The following CELF2 variants were observed in gnomAD, a reference collection of about 807,000 sequenced individuals.
CELF2 encodes CUG triplet repeat RNA-binding protein 2.
In CELF2, 8 loss-of-function variants were observed where a neutral mutation model predicts 62.6. The observed-to-expected ratio is 0.13, with a 90% CI of 0.07 to 0.23. CELF2 has a LOEUF of 0.23. CELF2 is among the 10% of genes least tolerant of loss of function. CELF2 has a pLI of 1.00. For missense variants in CELF2, 333 were observed against 671.0 expected, an observed-to-expected ratio of 0.50 and a Z score of 5.56; for synonymous variants, 258 against 250.0, an observed-to-expected ratio of 1.03 and a Z score of -0.30.
the CELF2 span, among the ~76,000 whole-genome samples, chr10:10,477,781 A>G: frequency 6.6e-6 from 1 of 152,016 alleles, no homozygotes; most frequent in African/African-American, 2.4e-5. Context: ...AAAAAAAAAA[A>G]AAAAGGTCAT....
intron 3 of CELF2, among the ~76,000 whole-genome samples, chr10:11,230,254 A>C (rs776283142): frequency 3.3e-5 from 5 of 152,212 alleles, no homozygotes; most frequent in Non-Finnish European, 7.3e-5. Flanking sequence ...TCATCATTTC[A>C]CAGTGCGTCT....
chr10:10,590,883 C>A, the CELF2 span, among the ~76,000 whole-genome samples: 6 of 152,136 alleles, frequency 3.9e-5, no homozygotes, highest in Non-Finnish European at 7.3e-5. Flanking sequence ...TTCTTTTAAA[C>A]CCTATTCCTC....
At chr10:10,666,270 A>C in the CELF2 span, among the ~76,000 whole-genome samples, 1 of 152,112 alleles carries the variant, frequency 6.6e-6, no homozygotes. Flanking sequence ...CCACTAGTCA[A>C]CTCACTTCAG....
At chr10:10,498,832 G>C in the CELF2 span, among the ~76,000 whole-genome samples, 4 of 152,122 alleles carry the variant, frequency 2.6e-5, no homozygotes, top group African/African-American at 9.7e-5. Flanking sequence ...ACAATTAATG[G>C]TCTCATTAAG....
the CELF2 span, among the ~76,000 whole-genome samples, chr10:10,508,788 G>A: frequency 4.0e-5 from 6 of 150,742 alleles, no homozygotes; most frequent in East Asian, 3.9e-4. Flanking sequence ...TGCAACCTCC[G>A]CCTCCGCCTT....
intron 1 of CELF2, among the ~76,000 whole-genome samples, chr10:11,059,302 T>C (rs2066140072): frequency 6.6e-6 from 1 of 152,220 alleles, no homozygotes; most frequent in African/African-American, 2.4e-5. Flanking sequence ...ATGTCTGTTT[T>C]AGGGTGGAAA....
the CELF2 span, among the ~76,000 whole-genome samples, chr10:10,750,362 G>T: frequency 6.6e-6 from 1 of 152,092 alleles, no homozygotes; most frequent in Non-Finnish European, 1.5e-5. Flanking sequence ...TTTATAGTTA[G>T]TGTAGTATTT....
chr10:10,643,264 A>AC, the CELF2 span, among the ~76,000 whole-genome samples: 4 of 151,132 alleles, frequency 2.6e-5, no homozygotes, highest in Admixed American at 2.6e-4. Flanking sequence ...AGCTCCCATA[A>AC]CCCCCGTGTA....
At chr10:10,856,449 G>A (rs1422844819) in intron 1 of CELF2, among the ~76,000 whole-genome samples, 1 of 152,088 alleles carries the variant, frequency 6.6e-6, no homozygotes, top group Non-Finnish European at 1.5e-5. Context: ...TTAAAGACTT[G>A]TAATTTTGGG....
At chr10:10,718,663 T>C in the CELF2 span, among the ~76,000 whole-genome samples, 1 of 146,444 alleles carries the variant, frequency 6.8e-6, no homozygotes, top group African/African-American at 2.5e-5. Flanking sequence ...GAAACCTAGG[T>C]GTCACTGTGA....
In CELF2 at chr10:11,145,288, A is replaced by G. The variant is rs985091939; in HGVS notation, c.75-20198A>G. Among the ~76,000 whole-genome samples the G allele has an allele frequency of 1.3e-5, 2 of 152,242 alleles. No individual in the cohort carries two copies. The highest frequency in any genetic ancestry group is 1.3e-4 in the Admixed American group (2 of 15,288). On this transcript the variant is annotated intron_variant, in intron 1 of 12. Coordinates refer to ENST00000633077, the MANE Select transcript of CELF2 (RefSeq NM_001326342.2). The surrounding 1 kb of genome is among the most constrained non-coding windows in gnomAD (Gnocchi z 4.3). ...AGTGAGTCTCAGGCATCTGTGTGGC[A>G]CAGATACTTTTATGTGTTGTTGAAA...
intron 3 of CELF2, among the ~76,000 whole-genome samples, chr10:11,231,430 G>A (rs7913575): frequency 0.74 from 112,490 of 152,064 alleles, 43,338 homozygotes; most frequent in Non-Finnish European, 0.87. Context: ...GGAACAGGAA[G>A]CAGAGTGGGG....
intron 8 of CELF2, among the ~76,000 whole-genome samples, chr10:11,275,627 C>T (rs2765983): frequency 0.86 from 130,783 of 152,192 alleles, 57,802 homozygotes; most frequent in East Asian, 0.96. Flanking sequence ...GCCTTTTTAC[C>T]GTAGTGCCCC....
the CELF2 span, among the ~76,000 whole-genome samples, chr10:10,572,098 G>A: frequency 1.6e-4 from 25 of 152,212 alleles, no homozygotes; most frequent in Middle Eastern, 6.8e-3. Context: ...ATGGCAACAC[G>A]TATGGTATTA....
intron 1 of CELF2, among the ~76,000 whole-genome samples, chr10:10,839,694 C>G (rs1042512764): frequency 1.1e-4 from 16 of 152,134 alleles, no homozygotes; most frequent in African/African-American, 3.6e-4. Flanking sequence ...GAATTCCACC[C>G]TGGGATTCCT....
chr10:10,804,142 CA>C (rs1290206661), intron 1 of CELF2, among the ~76,000 whole-genome samples: 3 of 152,174 alleles, frequency 2.0e-5, no homozygotes, highest in African/African-American at 4.8e-5. Flanking sequence ...TCTTTCTAAA[CA>C]AGAGAATGAT....
chr10:11,019,552 C>G (rs1007492684), intron 1 of CELF2, among the ~76,000 whole-genome samples: 1 of 151,986 alleles, frequency 6.6e-6, no homozygotes, highest in African/African-American at 2.4e-5. Flanking sequence ...TTGAGAAACT[C>G]TGCAGTGGCC....
At chr10:10,558,359 C>G in the CELF2 span, among the ~76,000 whole-genome samples, 2 of 151,372 alleles carry the variant, frequency 1.3e-5, no homozygotes, top group Non-Finnish European at 3.0e-5. Flanking sequence ...GTATATTGAA[C>G]CAGCCTTGCA....
chr10:11,040,050 A>G (rs1243141226), intron 1 of CELF2, among the ~76,000 whole-genome samples: 2 of 152,216 alleles, frequency 1.3e-5, no homozygotes, highest in East Asian at 3.8e-4. Context: ...GTAGGAAAAT[A>G]GTAAATTTTG....
Sources: allele counts gnomAD v4.1 joint callset (sites outside exome capture counted in the v4.1 genomes callset), GRCh38; gene constraint gnomAD v4.1.1; non-coding constraint Gnocchi (gnomAD v3.1); transcripts MANE v1.5; gene names NCBI Gene and HGNC (gene_info 2026-07-23, HGNC 2026-07-21).